The following FSTL5 variants were observed in gnomAD, a reference collection of about 807,000 sequenced individuals.
FSTL5 encodes the protein follistatin like 5, also known as follistatin-related protein 5.
FSTL5 carries 62 observed loss-of-function variants against 89.1 expected under a neutral mutation model. That is an observed-to-expected ratio of 0.70 (90% confidence interval 0.57 to 0.86). FSTL5 has a LOEUF of 0.86. FSTL5 is among the 40% of genes least tolerant of loss of function. FSTL5 has a pLI of 0.00. For synonymous variants in FSTL5, 383 were observed against 346.2 expected (o/e 1.11, Z -1.18); for missense variants, 1,057 against 1,001.6 (o/e 1.06, Z -0.75).
intron 2 of FSTL5, among the ~76,000 whole-genome samples, chr4:162,044,470 G>A (rs1360123312): frequency 2.0e-5 from 3 of 152,168 alleles, no homozygotes; most frequent in African/African-American, 7.2e-5. Flanking sequence ...GAGTGATTTA[G>A]CATAATTCTT....
At chr4:161,501,227 C>G (rs930551083) in intron 11 of FSTL5, among the ~76,000 whole-genome samples, 1 of 152,040 alleles carries the variant, frequency 6.6e-6, no homozygotes, top group Non-Finnish European at 1.5e-5. Context: ...AAATAATTTT[C>G]TAAGCATTAT....
intron 4 of FSTL5, among the ~76,000 whole-genome samples, chr4:161,866,508 G>GTGTGTGTGTGTGTGT (rs1560889424): frequency 2.8e-5 from 4 of 142,936 alleles, no homozygotes; most frequent in Non-Finnish European, 4.6e-5. Flanking sequence ...GTGTGTGTGT[G>GTGTGTGTGTGTGTGT]GTTTCAATCT....
chr4:161,823,864 G>A (rs1270380205), intron 4 of FSTL5, among the ~76,000 whole-genome samples: 4 of 152,132 alleles, frequency 2.6e-5, no homozygotes, highest in Non-Finnish European at 5.9e-5. Flanking sequence ...GGGATTGTTT[G>A]TGTTTTCTTG....
At chr4:161,442,147 G>GT (rs58107906) in intron 15 of FSTL5, among the ~76,000 whole-genome samples, 108,248 of 142,786 alleles carry the variant, frequency 0.76, 41,221 homozygotes, top group East Asian at 0.96. Flanking sequence ...TCTATAAAAG[G>GT]TTTTTTTTTT....
At chr4:161,455,796 A>G (rs893384215) in intron 14 of FSTL5, among the ~76,000 whole-genome samples, 1 of 152,064 alleles carries the variant, frequency 6.6e-6, no homozygotes, top group Non-Finnish European at 1.5e-5. Flanking sequence ...ACCCCTGTAA[A>G]CTTTCATTGT....
At chr4:161,519,388 T>C (rs1324433752) in intron 10 of FSTL5, among the ~76,000 whole-genome samples, 1 of 151,690 alleles carries the variant, frequency 6.6e-6, no homozygotes, top group Admixed American at 6.6e-5. Context: ...TAGCCAGGAG[T>C]GGTGGTGGGC....
intron 4 of FSTL5, among the ~76,000 whole-genome samples, chr4:161,855,010 T>G (rs1269727996): frequency 2.0e-4 from 3 of 15,346 alleles, no homozygotes; most frequent in African/African-American, 5.3e-4. Context: ...GAGGTTTTTT[T>G]TTTTTTTTTT....
At chr4:162,155,085 T>C (rs945500404) in intron 1 of FSTL5, among the ~76,000 whole-genome samples, 13 of 152,180 alleles carry the variant, frequency 8.5e-5, no homozygotes, top group African/African-American at 3.1e-4. Context: ...ACCTTGTGTG[T>C]AGGCAGGACC....
intron 5 of FSTL5, among the ~76,000 whole-genome samples, chr4:161,770,118 G>C (rs1269622470): frequency 6.6e-6 from 1 of 151,962 alleles, no homozygotes; most frequent in African/African-American, 2.4e-5. Context: ...GGCACAGAAA[G>C]ACAAACTTCA....
At chr4:161,840,677 A>G (rs80339789) in intron 4 of FSTL5, among the ~76,000 whole-genome samples, 8,384 of 152,242 alleles carry the variant, frequency 0.055, 286 homozygotes, top group Middle Eastern at 0.15. Context: ...AATCTGTGAT[A>G]TCTGATAAAC....
chr4:161,945,838 C>T (rs1303955552), intron 3 of FSTL5, among the ~76,000 whole-genome samples: 1 of 152,162 alleles, frequency 6.6e-6, no homozygotes, highest in South Asian at 2.1e-4. Flanking sequence ...GTGATACACA[C>T]CTTAAATATC....
At chr4:162,122,816 T>G (rs1731923637) in intron 1 of FSTL5, among the ~76,000 whole-genome samples, 1 of 152,156 alleles carries the variant, frequency 6.6e-6, no homozygotes, top group African/African-American at 2.4e-5. Flanking sequence ...GTACGTAAGC[T>G]ACACCTAAGT....
intron 3 of FSTL5, among the ~76,000 whole-genome samples, chr4:161,959,512 C>T (rs1735113532): frequency 6.6e-6 from 1 of 151,954 alleles, no homozygotes; most frequent in Non-Finnish European, 1.5e-5. Context: ...AGAGCTCTTA[C>T]ATAACAGAAG....
At chr4:161,611,618 C>T (rs1024404222) in intron 7 of FSTL5, among the ~76,000 whole-genome samples, 2 of 152,014 alleles carry the variant, frequency 1.3e-5, no homozygotes, top group Non-Finnish European at 2.9e-5. Context: ...CAATGAGTTG[C>T]CTCCATCAGG....
intron 6 of FSTL5, among the ~76,000 whole-genome samples, chr4:161,667,786 C>A (rs898550812): frequency 6.6e-6 from 1 of 151,930 alleles, no homozygotes; most frequent in African/African-American, 2.4e-5. Flanking sequence ...ATCTTGTGAT[C>A]ATGAATGGGA....
intron 1 of FSTL5, among the ~76,000 whole-genome samples, chr4:162,144,424 T>C (rs1732890248): frequency 6.6e-6 from 1 of 152,214 alleles, no homozygotes; most frequent in African/African-American, 2.4e-5. Flanking sequence ...TGGAAATTTA[T>C]TTCCAAGTTA....
At chr4:161,966,479 G>T (rs1342329853) in intron 3 of FSTL5, among the ~76,000 whole-genome samples, 1 of 152,108 alleles carries the variant, frequency 6.6e-6, no homozygotes, top group Non-Finnish European at 1.5e-5. Context: ...GATTGAGAAG[G>T]TGATTGTATT....
At chr4:161,746,216 G>A (rs942431839) in intron 6 of FSTL5, among the ~76,000 whole-genome samples, 2 of 151,824 alleles carry the variant, frequency 1.3e-5, no homozygotes, top group Admixed American at 6.6e-5. Context: ...CAACAAATTT[G>A]TTGACAGGAT....
chr4:161,530,573 A>T (rs1294238475), intron 10 of FSTL5, among the ~76,000 whole-genome samples: 2 of 152,004 alleles, frequency 1.3e-5, no homozygotes, highest in Admixed American at 1.3e-4. Context: ...TAAAGTAAGA[A>T]TTATTGCAAT....
Sources: gnomAD v4.1 joint callset for allele counts (sites outside exome capture counted in the v4.1 genomes callset) on GRCh38, gnomAD v4.1.1 for gene constraint, MANE v1.5 for transcripts, NCBI Gene and HGNC (gene_info 2026-07-23, HGNC 2026-07-21) for gene names.